The following EGFLAM variants were observed in gnomAD, a reference collection of about 807,000 sequenced individuals.
EGFLAM encodes the protein EGF like, fibronectin type III and laminin G domains.
In EGFLAM, 79 loss-of-function variants were observed where a neutral mutation model predicts 113.1. That is an observed-to-expected ratio of 0.70 (90% CI 0.58 to 0.84). The LOEUF (loss-of-function observed/expected upper bound fraction) is 0.84. Ranked by LOEUF, EGFLAM falls within the 40% of genes least tolerant of loss-of-function variation. EGFLAM has a pLI of 0.00. For synonymous variants in EGFLAM, 504 were observed against 487.6 expected, an observed-to-expected ratio of 1.03 and a Z score of -0.44; for missense variants, 1,265 against 1,291.6, an observed-to-expected ratio of 0.98 and a Z score of 0.32.
chr5:38,312,166 G>A (rs1007875640), intron 1 of EGFLAM, among the ~76,000 whole-genome samples: 2 of 152,030 alleles, frequency 1.3e-5, no homozygotes, highest in African/African-American at 4.8e-5. Context: ...AATCTGTCTT[G>A]GTTCAAATCG....
In EGFLAM at chr5:38,303,644, G is replaced by A. The variant is rs6879523; in HGVS notation, c.98-33876G>A. Among the ~76,000 whole-genome samples the A allele has an allele frequency of 1.9e-3, 285 of 152,276 alleles. 3 individuals are homozygous for A. The highest frequency in any genetic ancestry group is 6.4e-3 in the African/African-American group (266 of 41,548). ...TTCTAAATAAGTATTGCTTGTATATGTCAAAAATATTTTTTTGGGTTTCTG... is the reference window on the plus strand; with the variant it reads ...TTCTAAATAAGTATTGCTTGTATATATCAAAAATATTTTTTTGGGTTTCTG... On this transcript the variant is annotated intron_variant, in intron 1 of 21. Transcript: ENST00000322350.
At chr5:38,447,610 G>A (rs1742755815) in intron 17 of EGFLAM, among the ~76,000 whole-genome samples, 1 of 152,066 alleles carries the variant, frequency 6.6e-6, no homozygotes, top group Non-Finnish European at 1.5e-5. Context: ...ACAAAAATTA[G>A]CCAGGCTTGG....
At chr5:38,375,799 C>T (rs146639446) in intron 6 of EGFLAM, among the ~76,000 whole-genome samples, 12 of 152,094 alleles carry the variant, frequency 7.9e-5, no homozygotes, top group South Asian at 4.2e-4. Context: ...TTGAGAAGTT[C>T]GTGCAGTGTC....
intron 6 of EGFLAM, among the ~76,000 whole-genome samples, chr5:38,388,933 C>CA (rs33962258): frequency 0.21 from 29,930 of 139,540 alleles, 3,209 homozygotes; most frequent in African/African-American, 0.22. Context: ...AAAAAAAAAA[C>CA]AAAAAAAAAT....
intron 5 of EGFLAM, among the ~76,000 whole-genome samples, chr5:38,357,606 T>A (rs1301518268): frequency 1.3e-5 from 2 of 152,164 alleles, no homozygotes; most frequent in African/African-American, 4.8e-5. Flanking sequence ...CAAAAGGTCC[T>A]TATTATTATA....
chr5:38,343,970 C>G (rs768508403), intron 3 of EGFLAM, among the ~76,000 whole-genome samples: 2 of 152,198 alleles, frequency 1.3e-5, no homozygotes, highest in Non-Finnish European at 2.9e-5. Flanking sequence ...GTCAAGTGCT[C>G]TATTCAATTC....
chr5:38,455,023 G>A (rs1303851291), intron 19 of EGFLAM, among the ~76,000 whole-genome samples: 2 of 152,076 alleles, frequency 1.3e-5, no homozygotes, highest in East Asian at 3.9e-4. Context: ...TGTATGTGGG[G>A]CATAAAACCT....
chr5:38,316,605 TG>T (rs1253294050), intron 1 of EGFLAM, among the ~76,000 whole-genome samples: 1 of 152,174 alleles, frequency 6.6e-6, no homozygotes, highest in East Asian at 1.9e-4. Context: ...CCCCCATTTT[TG>T]TGATTTTGGC....
chr5:38,265,150 C>T (rs1579701154), intron 1 of EGFLAM, among the ~76,000 whole-genome samples: 1 of 152,274 alleles, frequency 6.6e-6, no homozygotes, highest in South Asian at 2.1e-4. Context: ...CTGAGTGGTG[C>T]TTTTTGTTCT....
intron 1 of EGFLAM, among the ~76,000 whole-genome samples, chr5:38,276,323 G>C (rs1757883267): frequency 6.6e-6 from 1 of 152,132 alleles, no homozygotes; most frequent in South Asian, 2.1e-4. Context: ...GATGAGATTT[G>C]GGTAGGGATG....
In EGFLAM at chr5:38,270,544, G is replaced by A. The variant is rs866563734; in HGVS notation, c.97+11693G>A. ...ATAGTTGTTTTTAAGTAATTGACAAGCTTAGCCACAACCTACACCCATAAT... is the reference window on the plus strand; with the variant it reads ...ATAGTTGTTTTTAAGTAATTGACAAACTTAGCCACAACCTACACCCATAAT... On this transcript the variant is annotated intron_variant, in intron 1 of 21. Coordinates refer to ENST00000322350, the MANE Select transcript of EGFLAM (RefSeq NM_152403.4). Among the ~76,000 whole-genome samples the A allele has an allele frequency of 4.0e-5, 6 of 151,818 alleles. No individual in the cohort carries two copies. The South Asian group carries it at 1.0e-3, about 26-fold the overall frequency.
intron 21 of EGFLAM, among the ~76,000 whole-genome samples, chr5:38,463,345 G>C (rs1283907178): frequency 6.6e-6 from 1 of 152,222 alleles, no homozygotes; most frequent in East Asian, 1.9e-4. Flanking sequence ...AGAATGACTA[G>C]TATTTCTGTA....
chr5:38,340,128 C>T (rs1487100381), intron 3 of EGFLAM, among the ~76,000 whole-genome samples: 1 of 152,164 alleles, frequency 6.6e-6, no homozygotes, highest in East Asian at 1.9e-4. Context: ...CTGCCCATCA[C>T]AGAACCTGGG....
At chr5:38,326,504 G>GT (rs1738886721) in intron 1 of EGFLAM, among the ~76,000 whole-genome samples, 1 of 149,506 alleles carries the variant, frequency 6.7e-6, no homozygotes, top group Non-Finnish European at 1.5e-5. Flanking sequence ...TGTTGATAAG[G>GT]GTTTTTTTTT....
chr5:38,402,537 T>C (rs1741148762), intron 6 of EGFLAM, among the ~76,000 whole-genome samples: 1 of 152,332 alleles, frequency 6.6e-6, no homozygotes, highest in Admixed American at 6.5e-5. Context: ...TCTTCTGCAA[T>C]AGGCGATTAG....
At chr5:38,308,408 G>C (rs1758784219) in intron 1 of EGFLAM, among the ~76,000 whole-genome samples, 1 of 150,592 alleles carries the variant, frequency 6.6e-6, no homozygotes, top group South Asian at 2.1e-4. Flanking sequence ...TGAAGGCTGG[G>C]ATGTACCAAG....
intron 1 of EGFLAM, 21 bp from the exon 2 acceptor site, chr5:38,337,499 A>G (rs1316676918): frequency 1.3e-6 from 2 of 1,575,478 alleles, no homozygotes; most frequent in Middle Eastern, 1.7e-4. Flanking sequence ...CTCTAACACA[A>G]TCTCTTTTGT....
chr5:38,370,070 T>A lies in EGFLAM; in HGVS notation c.546-226T>A, dbSNP rs149947455. Reference sequence around the variant, plus strand: ...GGAAAAACGGATTGTCTTTAAGTAGTGTTTACAACTGACCCTAAAAATAAT... The same window carrying A: ...GGAAAAACGGATTGTCTTTAAGTAGAGTTTACAACTGACCCTAAAAATAAT... On this transcript the variant is annotated intron_variant, in intron 5 of 21. Coordinates refer to ENST00000322350, the MANE Select transcript of EGFLAM (RefSeq NM_152403.4). Among the ~76,000 whole-genome samples, 80 of 152,354 alleles carry A rather than the reference T, an allele frequency of 5.3e-4. 2 individuals carry two copies. The highest frequency in any genetic ancestry group is 1.8e-3 in the African/African-American group (75 of 41,590).
chr5:38,463,910 T>C lies in EGFLAM; in HGVS notation c.2954T>C (p.Leu985Pro). The C allele has an allele frequency of 6.2e-7, 1 of 1,614,248 alleles. No homozygotes were observed. The highest frequency in any genetic ancestry group is 8.5e-7 in the Non-Finnish European group (1 of 1,180,042). The change falls in exon 22 of 22, where the codon CTG becomes CCG. Residue 985 changes from leucine (L) to proline (P), a missense_variant. By Grantham distance (98) the Leu-to-Pro change is moderately conservative. Transcript: ENST00000322350. ...GTGGGCTGTATCTCTCACTTCACCC[T>C]GTCCACCGATTACCACATTTCCCTC... ...GLVGCISHFT[L>P]STDYHISLVE...
Sources: allele counts gnomAD v4.1 joint callset (sites outside exome capture counted in the v4.1 genomes callset), GRCh38; gene constraint gnomAD v4.1.1; transcripts MANE v1.5; gene names NCBI Gene and HGNC (gene_info 2026-07-23, HGNC 2026-07-21).